GNG8: variants seen among roughly 807,000 people sequenced by gnomAD.
The protein encoded by GNG8 is G protein subunit gamma 8, also known as guanine nucleotide-binding protein G(I)/G(S)/G(O) subunit gamma-8.
A neutral mutation model predicts 4.6 loss-of-function variants in GNG8; 3 were observed. That is an observed-to-expected ratio of 0.65 (90% CI 0.29 to 1.67). The LOEUF (loss-of-function observed/expected upper bound fraction) is 1.67, where lower values mean the gene tolerates loss of function less well. GNG8 is among the 40% of genes most tolerant of loss of function. The pLI, the probability that GNG8 is intolerant of heterozygous loss-of-function variation, is 0.10. For missense variants in GNG8, 88 were observed against 95.2 expected, an observed-to-expected ratio of 0.92 and a Z score of 0.32; for synonymous variants, 32 against 40.5, an observed-to-expected ratio of 0.79 and a Z score of 0.80.
chr19:46,637,277 C>A (rs1335796770), upstream of GNG8: 3 of 152,348 alleles, frequency 2.0e-5, no homozygotes, highest in African/African-American at 7.2e-5. Flanking sequence ...CTCTCACAGT[C>A]TCCTGGTGTC....
At chr19:46,635,787 G>A (rs1160384451) in intron 1 of GNG8, among the ~76,000 whole-genome samples, 2 of 75,602 alleles carry the variant, frequency 2.6e-5, no homozygotes, top group Non-Finnish European at 5.3e-5. Context: ...TGGAGGAGAT[G>A]GACGGATGGG....
intron 2 of GNG8, among the ~76,000 whole-genome samples, 170 bp from the exon 3 acceptor site, chr19:46,634,374 GCCCCTCGTCCTGGCCCCTCCCCTGCCCC>G (rs2052849312): frequency 3.2e-5 from 1 of 31,094 alleles, no homozygotes; most frequent in East Asian, 1.2e-3. Context: ...GTCCTACCCC[GCCCCTCGTCCTGGCCCCTCCCCTGCCCC>G]ATCCCTCCCC....
rs3833245 is a variant in GNG8 at position 46,634,224 on chromosome 19, GAT to G, written c.85-22_85-21del. The G allele has an allele frequency of 0.23, 365,777 of 1,600,584 alleles. 43,105 individuals carry two copies. The highest frequency in any genetic ancestry group is 0.31 in the South Asian group (28,201 of 89,542). On this transcript the variant is annotated intron_variant, in intron 2 of 2. Coordinates refer to ENST00000693335, the MANE Select transcript of GNG8 (RefSeq NM_033258.2). ...CGACACCTGCGAGCACCCGGGTGGA[GAT>G]GTCACCGCCCTGCCCGGCTCCTTGG... is the stretch of plus-strand genomic sequence containing the variant.
At chr19:46,634,420 GGCCCCTCCCCTGTTCT>G (rs1411249150) in intron 2 of GNG8, among the ~76,000 whole-genome samples, 163 bp downstream of exon 2, 4 of 112,486 alleles carry the variant, frequency 3.6e-5, no homozygotes, top group Admixed American at 1.9e-4. Flanking sequence ...CCCTCGTCCT[GGCCCCTCCCCTGTTCT>G]GCCCCTCCCC....
At chr19:46,636,854 C>T (rs1444054061), upstream of GNG8, 1 of 150,760 alleles carries the variant, frequency 6.6e-6, no homozygotes, top group Non-Finnish European at 1.5e-5. Flanking sequence ...TGCAGTGGCC[C>T]AATCTCAGCT....
At chr19:46,634,291 C>A in intron 2 of GNG8, 87 bp from the exon 3 acceptor site, 1 of 1,449,038 alleles carries the variant, frequency 6.9e-7, no homozygotes, top group Non-Finnish European at 9.2e-7. Context: ...CTGTCCCCTC[C>A]TCCCACCTTG....
chr19:46,634,255 C>T (rs1463426336), intron 2 of GNG8, 51 bp from the exon 3 acceptor site: 1 of 1,555,934 alleles, frequency 6.4e-7, no homozygotes, highest in East Asian at 2.3e-5. Flanking sequence ...TCCTTGGAGC[C>T]GCCCACTTAG....
chr19:46,634,069 G>C lies in GNG8; in HGVS notation c.*7C>G. ...TTTGGCAGGGGAGGGTAAGCTGTCC[G>C]GAGGGCTCAGAGCAGAACACAAAAG... On this transcript the variant is annotated 3_prime_UTR_variant, in exon 3 of 3. Transcript: ENST00000693335. 6.2e-7 allele frequency: 1 copy of C among 1,609,762 alleles called. No individual in the cohort carries two copies.
chr19:46,636,637 T>C (rs1008632061), upstream of GNG8, among the ~76,000 whole-genome samples: 1 of 152,014 alleles, frequency 6.6e-6, no homozygotes, highest in African/African-American at 2.4e-5. Context: ...ATGACCTTGC[T>C]CAACACAACC....
Position 46,634,721 on chromosome 19 carries a change from G to A in GNG8, c.-39C>T. The stretch of plus-strand genomic sequence containing the variant: ...AAGGGGTTAAAAGACGCGCGGGAGT[G>A]GGGGCTGTGGGGGTAGGTTAGGATA... On this transcript the variant is annotated 5_prime_UTR_variant, in exon 2 of 3. Transcript: ENST00000693335. The A allele has an allele frequency of 1.3e-6, 2 of 1,531,180 alleles. No individual in the cohort carries two copies. The highest frequency in any genetic ancestry group is 1.8e-6 in the Non-Finnish European group (2 of 1,107,356). 94.8% of individuals were successfully genotyped at this position (1,531,180 alleles called of 1,614,324 possible).
upstream of GNG8, chr19:46,638,219 T>A (rs2052880713): frequency 1.3e-5 from 2 of 152,638 alleles, no homozygotes; most frequent in South Asian, 4.1e-4. This position sits in a 1 kb window ranked among gnomAD's most constrained non-coding sequence, Gnocchi z 4.7. Flanking sequence ...CGATCACACA[T>A]AACCTTTCAT....
intron 1 of GNG8, among the ~76,000 whole-genome samples, chr19:46,635,062 C>T (rs984743385): frequency 2.0e-5 from 3 of 152,028 alleles, no homozygotes; most frequent in Admixed American, 6.5e-5. Flanking sequence ...GGGGCCCCTC[C>T]CCCAGGCCAA....
At position 46,634,648 on chromosome 19, in the gene GNG8, C is replaced by A; in HGVS notation, c.35G>T (p.Arg12Leu). The change falls in exon 2 of 3, where the codon CGC (arginine) becomes CTC (leucine). Residue 12 changes from arginine to leucine, a missense_variant. Coordinates refer to ENST00000693335, the MANE Select transcript of GNG8 (RefSeq NM_033258.2). ...SNNMAKIAEA[R>L]KTVEQLKLEV... ...CAGCTTCAGCTGTTCCACCGTCTTGCGGGCCTCGGCAATCTTGGCCATGTT... is the reference window on the plus strand; with the variant it reads ...CAGCTTCAGCTGTTCCACCGTCTTGAGGGCCTCGGCAATCTTGGCCATGTT... 1 of 1,613,032 alleles carries A rather than the reference C, an allele frequency of 6.2e-7. No homozygotes were observed. The highest frequency in any genetic ancestry group is 1.1e-5 in the South Asian group (1 of 91,062).
intron 1 of GNG8, among the ~76,000 whole-genome samples, chr19:46,635,023 C>T: frequency 6.6e-6 from 1 of 152,014 alleles, no homozygotes; most frequent in East Asian, 1.9e-4. Flanking sequence ...GGTGTCCTCA[C>T]CCCCGGGGGC....
At chr19:46,634,543 C>A (rs2052851263) in intron 2 of GNG8, 56 bp downstream of exon 2, 1 of 1,503,490 alleles carries the variant, frequency 6.7e-7, no homozygotes. Context: ...CCGACACAGC[C>A]CCGGACAGAC....
upstream of GNG8, among the ~76,000 whole-genome samples, chr19:46,636,538 C>A (rs568459001): frequency 6.6e-6 from 1 of 152,320 alleles, no homozygotes; most frequent in South Asian, 2.1e-4. Flanking sequence ...CTCGGTGTCA[C>A]CACCCCCCTC....
At chr19:46,637,280 C>T (rs2052875001), upstream of GNG8, 1 of 152,350 alleles carries the variant, frequency 6.6e-6, no homozygotes. Context: ...TCACAGTCTC[C>T]TGGTGTCACA....
intron 2 of GNG8, 117 bp downstream of exon 2, chr19:46,634,482 T>A: frequency 1.7e-6 from 1 of 601,820 alleles, no homozygotes; most frequent in Non-Finnish European, 2.5e-6. Context: ...GCCCCGCCCC[T>A]TGCCCAGCCC....
rs747079616 is a variant in GNG8 at position 46,634,733 on chromosome 19, G to A, written c.-43-8C>T. 8.7e-6 allele frequency: 13 copies of A among 1,491,536 alleles called. No homozygotes were observed. In the East Asian group the frequency reaches 2.0e-4, roughly 23 times the overall value. The allele number at this position is 1,491,536 out of a possible 1,614,324, so 92.4% of individuals were successfully genotyped here. A position where few individuals can be genotyped will look rare whatever the true frequency, so the allele number is the denominator to read the frequency against. On this transcript the variant is annotated splice_region_variant and splice_polypyrimidine_tract_variant and intron_variant, in intron 1 of 2. Coordinates refer to ENST00000693335, the MANE Select transcript of GNG8 (RefSeq NM_033258.2). ...GACGCGCGGGAGTGGGGGCTGTGGG[G>A]GTAGGTTAGGATACGTCTGGGTCCC...
Sources: gnomAD v4.1 joint callset for allele counts (sites outside exome capture counted in the v4.1 genomes callset) on GRCh38, gnomAD v4.1.1 for gene constraint, Gnocchi (gnomAD v3.1) non-coding constraint, MANE v1.5 for transcripts, NCBI Gene and HGNC (gene_info 2026-07-23, HGNC 2026-07-21) for gene names.